Variants in ARID2 observed in about 807,000 individuals in gnomAD.
ARID2 encodes AT-rich interactive domain-containing protein 2.
ARID2 carries 32 observed loss-of-function variants against 184.6 expected under a neutral mutation model. That is an observed-to-expected ratio of 0.17 (90% CI 0.13 to 0.23). The LOEUF (loss-of-function observed/expected upper bound fraction) is 0.23, where lower values mean the gene tolerates loss of function less well. Ranked by LOEUF, ARID2 falls within the 10% of genes least tolerant of loss-of-function variation. The probability of loss-of-function intolerance (pLI) is 1.00; values close to 1 mark genes in which losing one functional copy is unlikely to be tolerated. For missense variants in ARID2, 1,696 were observed against 2,197.6 expected, an observed-to-expected ratio of 0.77 and a Z score of 4.56; for synonymous variants, 836 against 772.6, an observed-to-expected ratio of 1.08 and a Z score of -1.36.
At chr12:45,742,571 C>T (rs1239574492) in intron 3 of ARID2, among the ~76,000 whole-genome samples, 1 of 152,126 alleles carries the variant, frequency 6.6e-6, no homozygotes, top group Non-Finnish European at 1.5e-5. Flanking sequence ...CCTTTTTTCA[C>T]TTCATATATC....
At chr12:45,885,641 A>G (rs144927686) in intron 16 of ARID2, among the ~76,000 whole-genome samples, 409 of 152,332 alleles carry the variant, frequency 2.7e-3, no homozygotes, top group African/African-American at 8.7e-3. Flanking sequence ...TGCAAAGGAA[A>G]GAGGTTTAAT....
At chr12:45,881,555 C>CT (rs986593098) in intron 16 of ARID2, 9 of 153,392 alleles carry the variant, frequency 5.9e-5, no homozygotes, top group Middle Eastern at 3.1e-3. Context: ...TTTTGACTGG[C>CT]TTTTTTTTAC....
chr12:45,906,626 G>A lies in ARID2; in HGVS notation c.*1548G>A, dbSNP rs1287827708. The A allele has an allele frequency of 6.5e-5, 15 of 231,932 alleles. No individual in the cohort carries two copies. In the East Asian group the frequency reaches 7.3e-4, roughly 11 times the overall value. 14.4% of individuals were successfully genotyped at this position (231,932 alleles called of 1,614,324 possible). A position where few individuals can be genotyped will look rare whatever the true frequency, so the allele number is the denominator to read the frequency against. On this transcript the variant is annotated 3_prime_UTR_variant, in exon 21 of 21. Coordinates refer to ENST00000334344, the MANE Select transcript of ARID2 (RefSeq NM_152641.4). ...AATTCAGCTGAAGGCAAGGTATAACGGTCACCTACCTATTTGATTATATGT... is the reference window on the plus strand; with the variant it reads ...AATTCAGCTGAAGGCAAGGTATAACAGTCACCTACCTATTTGATTATATGT...
rs972916964 is a variant in ARID2, at chr12:45,852,550, C to G, written c.4427C>G (p.Ser1476Cys). Reference protein sequence around the residue: ...SVVVSPHSTTSVIQGHQIIAV... With the variant: ...SVVVSPHSTTCVIQGHQIIAV... Reference sequence around the variant, plus strand: ...GTTGTCTCACCACATTCTACAACCTCTGTTATACAGGGACATCAAATCATA... The same window carrying G: ...GTTGTCTCACCACATTCTACAACCTGTGTTATACAGGGACATCAAATCATA... The change falls in exon 15 of 21, where the codon TCT becomes TGT. Residue 1476 changes from serine to cysteine, a missense_variant. Physicochemically the swap from Ser to Cys is moderately radical, Grantham distance 112 (BLOSUM62 -1). Around this residue, in one of 11 missense-constraint regions of ARID2, gnomAD observed 428 missense variants for 409.1 expected, o/e 1.05. Coordinates refer to ENST00000334344, the MANE Select transcript of ARID2 (RefSeq NM_152641.4). 11 of 1,614,168 alleles carry G rather than the reference C, an allele frequency of 6.8e-6. No individual in the cohort carries two copies. Among genetic ancestry groups the G allele is most frequent in the Non-Finnish European group, 9.3e-6 (11 of 1,180,018 alleles).
At position 45,798,721 on chromosome 12, in the gene ARID2, A is replaced by G. The variant is rs1397612574; in HGVS notation, c.285-12697A>G. ...ATGCAACCCTTCTTCTCATACAAAC[A>G]TTTGAAGTAAACAATATAAGAGCTC... On this transcript the variant is annotated intron_variant, in intron 3 of 20. Coordinates refer to ENST00000334344, the MANE Select transcript of ARID2 (RefSeq NM_152641.4). Among the ~76,000 whole-genome samples, 5 of 147,964 alleles carry G rather than the reference A, an allele frequency of 3.4e-5. 1 individual carries two copies.
chr12:45,735,009 T>C (rs61925772), intron 3 of ARID2, among the ~76,000 whole-genome samples: 57 of 152,324 alleles, frequency 3.7e-4, no homozygotes, highest in Non-Finnish European at 6.9e-4. Flanking sequence ...CACTGAAATA[T>C]TCATTTCTAT....
Position 45,747,189 on chromosome 12 carries a change from A to C in ARID2, c.284+15875A>C, listed in dbSNP as rs995547925. ...ACTTCAAGGGAATAAAAATATGAAA[A>C]TGGTTAGGGTAGTTGTGGGATTGTG... On this transcript the variant is annotated intron_variant, in intron 3 of 20. Transcript: ENST00000334344. 4.6e-5 allele frequency among the ~76,000 whole-genome samples: 7 copies of C among 152,224 alleles called. No individual in the cohort carries two copies. The East Asian group carries it at 1.3e-3, about 29-fold the overall frequency.
At position 45,888,260 on chromosome 12, in the gene ARID2, A is replaced by G. The variant is rs187527130; in HGVS notation, c.4923-3520A>G. Among the ~76,000 whole-genome samples, 729 of 152,116 alleles carry G rather than the reference A, an allele frequency of 4.8e-3. 2 individuals are homozygous for G. The highest frequency in any genetic ancestry group is 0.016 in the African/African-American group (685 of 41,528). On this transcript the variant is annotated intron_variant, in intron 16 of 20. Transcript: ENST00000334344. Reference sequence around the variant, plus strand: ...TCAGTAATAAGCATTTTTTTCAGAGACAAATGTAAGATACTGTCTCTAAAT... The same window carrying G: ...TCAGTAATAAGCATTTTTTTCAGAGGCAAATGTAAGATACTGTCTCTAAAT...
At chr12:45,768,737 G>C (rs1941816484) in intron 3 of ARID2, among the ~76,000 whole-genome samples, 1 of 152,112 alleles carries the variant, frequency 6.6e-6, no homozygotes. Context: ...TTTGGGGTCA[G>C]AACAAATCTC....
At position 45,905,773 on chromosome 12, in the gene ARID2, T is replaced by C. The variant is rs1200225833; in HGVS notation, c.*695T>C. 8.6e-6 allele frequency: 2 copies of C among 232,814 alleles called. No individual in the cohort carries two copies. The highest frequency in any genetic ancestry group is 6.1e-5 in the East Asian group (1 of 16,412). 14.4% of individuals were successfully genotyped at this position (232,814 alleles called of 1,614,324 possible). On this transcript the variant is annotated 3_prime_UTR_variant, in exon 21 of 21. Transcript: ENST00000334344. ...ATTCTGTGGTGTCCTAGAAGCATTA[T>C]TGGTAGGTTCTAAAGTTTTCTAGAC...
chr12:45,779,372 A>T (rs1441635329), intron 3 of ARID2, among the ~76,000 whole-genome samples: 1 of 152,156 alleles, frequency 6.6e-6, no homozygotes, highest in East Asian at 1.9e-4. Context: ...ATTGCATTTT[A>T]AAAATCTTTA....
chr12:45,837,124 G>A lies in ARID2; in HGVS notation c.1023+133G>A, dbSNP rs554312500. 4 of 1,269,280 alleles carry A rather than the reference G, an allele frequency of 3.2e-6. No individual in the cohort carries two copies. In the African/African-American group the frequency reaches 4.5e-5, roughly 14 times the overall value. 78.6% of individuals were successfully genotyped at this position (1,269,280 alleles called of 1,614,324 possible). ...CTTACATGTATTAGTTGCTAAAAAT[G>A]GTGATGTAGAAGTATCACATACTTT... is the stretch of plus-strand genomic sequence containing the variant. On this transcript the variant is annotated intron_variant, in intron 8 of 20. Transcript: ENST00000334344.
chr12:45,793,996 T>C (rs1351492866), intron 3 of ARID2, among the ~76,000 whole-genome samples: 1 of 152,084 alleles, frequency 6.6e-6, no homozygotes, highest in Non-Finnish European at 1.5e-5. Context: ...TTGCCTGGGG[T>C]TTTAATCTGT....
chr12:45,861,114 A>G (rs1943738983), intron 16 of ARID2, among the ~76,000 whole-genome samples, 165 bp downstream of exon 16: 1 of 152,242 alleles, frequency 6.6e-6, no homozygotes, highest in Admixed American at 6.5e-5. Context: ...GACCTAAACT[A>G]AGAAATTTAT....
chr12:45,861,421 T>A (rs1943744898), intron 16 of ARID2, among the ~76,000 whole-genome samples: 1 of 152,126 alleles, frequency 6.6e-6, no homozygotes, highest in Admixed American at 6.5e-5. Flanking sequence ...ATCTTACAAT[T>A]TAATTAAGAT....
intron 20 of ARID2, among the ~76,000 whole-genome samples, chr12:45,898,008 G>A (rs1944392057): frequency 6.6e-6 from 1 of 151,992 alleles, no homozygotes; most frequent in Non-Finnish European, 1.5e-5. Flanking sequence ...ATGTTGTGCA[G>A]GGTTGTCTTG....
intron 3 of ARID2, among the ~76,000 whole-genome samples, chr12:45,741,267 T>A (rs1026538720): frequency 6.6e-6 from 1 of 152,188 alleles, no homozygotes. Flanking sequence ...ACACAAATCA[T>A]GGCTCATTGC....
At chr12:45,830,927 G>A (rs762632879) in intron 6 of ARID2, among the ~76,000 whole-genome samples, 6 of 151,820 alleles carry the variant, frequency 4.0e-5, no homozygotes, top group Admixed American at 6.6e-5. Flanking sequence ...GCATTTTGGC[G>A]GGCACCTGCA....
At chr12:45,904,254 A>G in intron 20 of ARID2, 3 of 670,162 alleles carry the variant, frequency 4.5e-6, no homozygotes, top group South Asian at 3.3e-5. Flanking sequence ...TATACCTACA[A>G]TATAATTTTA....
Sources: allele counts gnomAD v4.1 joint callset (sites outside exome capture counted in the v4.1 genomes callset), GRCh38; gene constraint gnomAD v4.1.1; regional missense constraint gnomAD v4.1.1; transcripts MANE v1.5; gene names NCBI Gene and HGNC (gene_info 2026-07-23, HGNC 2026-07-21).